The following METTL15 variants were observed in gnomAD, a reference collection of about 807,000 sequenced individuals.
The protein encoded by METTL15 is methyltransferase 15, mitochondrial 12S rRNA N4-cytidine.
METTL15 carries 34 observed loss-of-function variants against 38.3 expected under a neutral mutation model. The observed-to-expected ratio is 0.89, with a 90% CI of 0.68 to 1.18. The LOEUF is 1.18. Ranked by LOEUF, METTL15 falls within the 50% of genes most tolerant of loss-of-function variation. The probability of loss-of-function intolerance (pLI) is 0.00; values close to 1 mark genes in which losing one functional copy is unlikely to be tolerated. For synonymous variants in METTL15, 162 were observed against 170.9 expected (o/e 0.95, Z 0.41); for missense variants, 438 against 498.4 (o/e 0.88, Z 1.15).
At position 28,225,471 on chromosome 11, in the gene METTL15, C is replaced by T. The variant is rs185008627; in HGVS notation, c.407+14273C>T. Among the ~76,000 whole-genome samples the T allele has an allele frequency of 8.5e-4, 129 of 151,408 alleles. 1 individual carries two copies. The South Asian group carries it at 0.011, about 13-fold the overall frequency. On this transcript the variant is annotated intron_variant, in intron 4 of 6. Coordinates refer to ENST00000407364, the MANE Select transcript of METTL15 (RefSeq NM_001113528.2). ...CAATAACTTGATAGAGTATAGAATT[C>T]GGGGAATTTTATAGATATCACTCAT...
intron 3 of METTL15, among the ~76,000 whole-genome samples, chr11:28,150,177 G>A (rs1042608509): frequency 6.6e-5 from 10 of 151,850 alleles, no homozygotes; most frequent in Admixed American, 6.6e-4. Context: ...GTGTCTTATT[G>A]TCAACAGAGT....
chr11:28,113,720 A>G (rs1851823011), intron 3 of METTL15, 116 bp downstream of exon 3: 3 of 1,082,318 alleles, frequency 2.8e-6, no homozygotes, highest in Non-Finnish European at 2.6e-6. Context: ...ATGAATCCCA[A>G]CTTTTGATGG....
At chr11:28,219,252 A>T (rs890594307) in intron 4 of METTL15, among the ~76,000 whole-genome samples, 5 of 152,278 alleles carry the variant, frequency 3.3e-5, no homozygotes, top group East Asian at 1.9e-4. Context: ...TTATTGGTCT[A>T]TTCAGAGATT....
chr11:28,235,399 T>C (rs957671808), intron 4 of METTL15, among the ~76,000 whole-genome samples: 1 of 151,968 alleles, frequency 6.6e-6, no homozygotes, highest in Non-Finnish European at 1.5e-5. Flanking sequence ...CCTTGGGCAG[T>C]ATGGCCATTT....
intron 6 of METTL15, 42 bp downstream of exon 6, chr11:28,296,973 A>T (rs765758653): frequency 1.6e-5 from 26 of 1,605,324 alleles, no homozygotes; most frequent in Admixed American, 5.0e-5. Flanking sequence ...AGAAAAAATT[A>T]TATTTACATG....
intron 5 of METTL15, among the ~76,000 whole-genome samples, chr11:28,293,628 T>G (rs1856613752): frequency 6.6e-6 from 1 of 151,616 alleles, no homozygotes; most frequent in Non-Finnish European, 1.5e-5. Flanking sequence ...TGGCATTGAA[T>G]CTATAAATTA....
intron 6 of METTL15, among the ~76,000 whole-genome samples, chr11:28,444,908 T>A (rs1195128130): frequency 6.6e-6 from 1 of 152,186 alleles, no homozygotes; most frequent in Non-Finnish European, 1.5e-5. Context: ...CAGTGTAAGA[T>A]AGACAGTGTC....
chr11:28,317,125 T>A (rs1185763775), intron 6 of METTL15, among the ~76,000 whole-genome samples: 1 of 151,962 alleles, frequency 6.6e-6, no homozygotes. Context: ...TATAACTTTA[T>A]TTTTTTTCCC....
intron 4 of METTL15, among the ~76,000 whole-genome samples, chr11:28,227,011 T>G (rs1235569495): frequency 6.6e-6 from 1 of 151,924 alleles, no homozygotes; most frequent in Admixed American, 6.6e-5. Flanking sequence ...ACAAAAACAT[T>G]ACGAAAATAG....
At chr11:28,157,368 A>G (rs1469193891) in intron 3 of METTL15, among the ~76,000 whole-genome samples, 1 of 152,182 alleles carries the variant, frequency 6.6e-6, no homozygotes, top group Non-Finnish European at 1.5e-5. Context: ...CCACTTGGGC[A>G]ATATGACCCA....
chr11:28,437,105 C>A (rs1433072854), intron 6 of METTL15, among the ~76,000 whole-genome samples: 2 of 152,146 alleles, frequency 1.3e-5, no homozygotes, highest in African/African-American at 4.8e-5. Flanking sequence ...AGTGGTTTGC[C>A]AGGGGCTTTC....
rs145450516 is a variant in METTL15 at position 28,221,536 on chromosome 11, C to T, written c.407+10338C>T. On this transcript the variant is annotated intron_variant, in intron 4 of 6. Coordinates refer to ENST00000407364, the MANE Select transcript of METTL15 (RefSeq NM_001113528.2). ...CTCCTTTAGCTCGGAGAAGTTTGATCGTCTGAAGCCTTCTTCTCTCAACTT... is the reference window on the plus strand; with the variant it reads ...CTCCTTTAGCTCGGAGAAGTTTGATTGTCTGAAGCCTTCTTCTCTCAACTT... Among the ~76,000 whole-genome samples the T allele has an allele frequency of 2.3e-3, 349 of 152,138 alleles. 3 individuals carry two copies. The highest frequency in any genetic ancestry group is 7.9e-3 in the African/African-American group (330 of 41,528).
At chr11:28,465,246 T>C (rs1444326521) in intron 6 of METTL15, among the ~76,000 whole-genome samples, 2 of 152,194 alleles carry the variant, frequency 1.3e-5, no homozygotes, top group East Asian at 1.9e-4. Context: ...CCACACTCTC[T>C]TGAGTTTTCT....
At chr11:28,273,494 C>G (rs1353273734) in intron 4 of METTL15, among the ~76,000 whole-genome samples, 1 of 151,996 alleles carries the variant, frequency 6.6e-6, no homozygotes, top group Non-Finnish European at 1.5e-5. Flanking sequence ...TTTATTAAAT[C>G]TACTATGGCC....
intron 3 of METTL15, among the ~76,000 whole-genome samples, chr11:28,205,903 T>C (rs1451002134): frequency 6.7e-6 from 1 of 150,000 alleles, no homozygotes; most frequent in Non-Finnish European, 1.5e-5. Flanking sequence ...CATAAATGTC[T>C]TCTTTTGAGA....
intron 6 of METTL15, among the ~76,000 whole-genome samples, chr11:28,512,514 C>G (rs2133501857): frequency 6.6e-6 from 1 of 152,346 alleles, no homozygotes; most frequent in African/African-American, 2.4e-5. Context: ...AAATCAATCT[C>G]AGCGCCGGTG....
chr11:28,237,787 G>C (rs1233496248), intron 4 of METTL15, among the ~76,000 whole-genome samples: 2 of 152,098 alleles, frequency 1.3e-5, no homozygotes, highest in African/African-American at 4.8e-5. Context: ...TTTTGGTGTG[G>C]ATGTCCTTTC....
At chr11:28,193,296 A>G (rs1590135373) in intron 3 of METTL15, among the ~76,000 whole-genome samples, 1 of 152,220 alleles carries the variant, frequency 6.6e-6, no homozygotes, top group South Asian at 2.1e-4. Flanking sequence ...ACAGTTCTGG[A>G]GGCTATACAG....
intron 6 of METTL15, chr11:28,327,984 AT>A (rs1418535373): frequency 2.6e-6 from 3 of 1,165,502 alleles, no homozygotes; most frequent in East Asian, 5.6e-5. Context: ...ATGCTAAGAA[AT>A]TTTTAAAAAA....
Sources: allele counts gnomAD v4.1 joint callset (sites outside exome capture counted in the v4.1 genomes callset), GRCh38; gene constraint gnomAD v4.1.1; transcripts MANE v1.5; gene names NCBI Gene and HGNC (gene_info 2026-07-23, HGNC 2026-07-21).